Variants in BMS1 observed in about 807,000 individuals in gnomAD.
BMS1 encodes the protein BMS1 ribosome biogenesis factor, also known as ribosome biogenesis protein BMS1 homolog.
BMS1 carries 53 observed loss-of-function variants against 138.7 expected under a neutral mutation model. The observed-to-expected ratio is 0.38, with a 90% CI of 0.31 to 0.48. The LOEUF (loss-of-function observed/expected upper bound fraction) is 0.48. Among genes scored for constraint, BMS1 ranks in the 20% least tolerant of loss-of-function variants. The probability of loss-of-function intolerance (pLI) is 0.97; values close to 1 mark genes in which losing one functional copy is unlikely to be tolerated. For synonymous variants in BMS1, 504 were observed against 539.9 expected (o/e 0.93, Z 0.92); for missense variants, 1,360 against 1,565.5 (o/e 0.87, Z 2.22).
intron 21 of BMS1, among the ~76,000 whole-genome samples, chr10:42,825,455 A>G (rs1182714708): frequency 6.6e-6 from 1 of 152,236 alleles, no homozygotes; most frequent in Non-Finnish European, 1.5e-5. Flanking sequence ...CCATTTGTTC[A>G]TGTCTAAATT....
intron 13 of BMS1, among the ~76,000 whole-genome samples, chr10:42,810,895 ATGT>A (rs1358929012): frequency 2.0e-4 from 30 of 151,918 alleles, no homozygotes; most frequent in Admixed American, 9.8e-4. Context: ...TTTATTCGTG[ATGT>A]TGTTGGTTTG....
Position 42,831,179 on chromosome 10 carries a change from A to C in BMS1, c.*83A>C, listed in dbSNP as rs7133. Reference sequence around the variant, plus strand: ...ACAGTTTGAATGCCTGTGAATGACAAGTCAGTGGGAAAGAGCTCAAGAGAT... The same window carrying C: ...ACAGTTTGAATGCCTGTGAATGACACGTCAGTGGGAAAGAGCTCAAGAGAT... On this transcript the variant is annotated 3_prime_UTR_variant, in exon 23 of 23. Coordinates refer to ENST00000374518, the MANE Select transcript of BMS1 (RefSeq NM_014753.4). 443,534 of 1,356,480 alleles carry C rather than the reference A, an allele frequency of 0.33. 77,597 individuals carry two copies. The highest frequency in any genetic ancestry group is 0.59 in the East Asian group (23,370 of 39,740). The allele number at this position is 1,356,480 out of a possible 1,614,324, so 84.0% of individuals were successfully genotyped here. A position where few individuals can be genotyped will look rare whatever the true frequency, so the allele number is the denominator to read the frequency against.
At chr10:42,827,757 G>T (rs1045956735) in intron 21 of BMS1, among the ~76,000 whole-genome samples, 11 of 152,004 alleles carry the variant, frequency 7.2e-5, no homozygotes, top group African/African-American at 2.7e-4. Flanking sequence ...GCACTCTGGG[G>T]CTCTCCTTTA....
intron 13 of BMS1, among the ~76,000 whole-genome samples, chr10:42,803,702 C>T (rs544391131): frequency 1.3e-5 from 2 of 152,204 alleles, no homozygotes; most frequent in South Asian, 2.1e-4. Flanking sequence ...ACTTAAGAAT[C>T]GGCTTTTCTG....
chr10:42,797,514 T>G lies in BMS1; in HGVS notation c.2080T>G (p.Tyr694Asp), dbSNP rs1463153557. Residue 694 changes from tyrosine to aspartate, a missense_variant, in exon 11 of 23, where the codon TAT becomes GAT. Tyr to Asp is a radical substitution (Grantham distance 160). Coordinates refer to ENST00000374518, the MANE Select transcript of BMS1 (RefSeq NM_014753.4). ...AGCTCCAAACCTCCGAAAGCTTATT[T>G]ATGGGACAGGTAAAGAATTCTGGTT... is the stretch of plus-strand genomic sequence containing the variant. ...QAAPNLRKLI[Y>D]GTVTEDNEEE... 1 of 1,614,014 alleles carries G rather than the reference T, an allele frequency of 6.2e-7. No individual in the cohort carries two copies. Among genetic ancestry groups the G allele is most frequent in the Non-Finnish European group, 8.5e-7 (1 of 1,179,976 alleles).
At chr10:42,794,111 T>G in intron 9 of BMS1, 120 bp downstream of exon 9, 7 of 1,172,688 alleles carry the variant, frequency 6.0e-6, no homozygotes, top group Non-Finnish European at 7.2e-6. Context: ...TTGTTTTTCT[T>G]TGTGTGTGCA....
intron 13 of BMS1, among the ~76,000 whole-genome samples, chr10:42,804,674 T>C (rs1247499338): frequency 6.6e-6 from 1 of 152,104 alleles, no homozygotes. Context: ...TTTTTAATAG[T>C]GTTTTTCACA....
intron 21 of BMS1, among the ~76,000 whole-genome samples, chr10:42,826,393 GAGTGACTCTGGACATGGGAGTGACATAAT>G (rs1842647225): frequency 1.3e-5 from 2 of 152,194 alleles, no homozygotes; most frequent in South Asian, 2.1e-4. Context: ...CAGGGGATGG[GAGTGACTCTGGACATGGGAGTGACATAAT>G]AGTGACTCTG....
chr10:42,791,193 T>C (rs987598172), intron 5 of BMS1, among the ~76,000 whole-genome samples: 2 of 152,210 alleles, frequency 1.3e-5, no homozygotes, highest in African/African-American at 4.8e-5. Flanking sequence ...AAAAGAGTGC[T>C]TGTTTGGGGC....
At chr10:42,791,013 C>G (rs1841489079) in intron 5 of BMS1, among the ~76,000 whole-genome samples, 2 of 151,732 alleles carry the variant, frequency 1.3e-5, no homozygotes, top group Non-Finnish European at 1.5e-5. Flanking sequence ...TGTTCAGCCT[C>G]TGGCCTGCTG....
intron 9 of BMS1, among the ~76,000 whole-genome samples, chr10:42,795,468 C>T (rs1213825652): frequency 2.0e-5 from 3 of 151,630 alleles, no homozygotes; most frequent in Middle Eastern, 3.4e-3. Flanking sequence ...TACAGGAGTG[C>T]GCCACCACTC....
rs1406803928 is a variant in BMS1, at chr10:42,784,501, A to G, written c.107A>G (p.Asp36Gly). ...GATCTCCAGCTAGGAGACGAAGAAGATGCCCGGAAGAGAAATCCCAAAGCT... is the reference window on the plus strand; with the variant it reads ...GATCTCCAGCTAGGAGACGAAGAAGGTGCCCGGAAGAGAAATCCCAAAGCT... ...LQDLQLGDEE[D>G]ARKRNPKAFA... The change falls in exon 2 of 23, where the codon GAT (aspartate) becomes GGT (glycine). Residue 36 changes from aspartate (D) to glycine (G), a missense_variant. By Grantham distance (94) the Asp-to-Gly change is moderately conservative. Coordinates refer to ENST00000374518, the MANE Select transcript of BMS1 (RefSeq NM_014753.4). 3.1e-6 allele frequency: 5 copies of G among 1,614,026 alleles called. No individual in the cohort carries two copies. Among genetic ancestry groups the G allele is most frequent in the Non-Finnish European group, 4.2e-6 (5 of 1,179,874 alleles).
chr10:42,796,091 T>A (rs1438654317), intron 9 of BMS1, among the ~76,000 whole-genome samples: 2 of 152,256 alleles, frequency 1.3e-5, no homozygotes, highest in Non-Finnish European at 2.9e-5. Context: ...TTTTGCCTTC[T>A]TTCTGCTTTG....
At chr10:42,788,990 G>A (rs2132298684) in intron 4 of BMS1, among the ~76,000 whole-genome samples, 1 of 152,234 alleles carries the variant, frequency 6.6e-6, no homozygotes, top group East Asian at 1.9e-4. Context: ...TCCATTCTAT[G>A]GAGGCACCAT....
intron 11 of BMS1, among the ~76,000 whole-genome samples, chr10:42,797,738 T>C (rs542009644): frequency 2.7e-4 from 41 of 152,326 alleles, no homozygotes; most frequent in African/African-American, 8.9e-4. Flanking sequence ...TTGATGCAAA[T>C]ACCGTCCATT....
rs779958735 is a variant in BMS1 at position 42,797,520 on chromosome 10, A to G, written c.2086A>G (p.Thr696Ala). ...APNLRKLIYG[T>A]VTEDNEEEDD... Reference sequence around the variant, plus strand: ...AAACCTCCGAAAGCTTATTTATGGGACAGGTAAAGAATTCTGGTTCAGAAC... The same window carrying G: ...AAACCTCCGAAAGCTTATTTATGGGGCAGGTAAAGAATTCTGGTTCAGAAC... Residue 696 changes from threonine to alanine, a missense_variant, in exon 11 of 23, where the codon ACA (threonine) becomes GCA (alanine). Physicochemically the swap from Thr to Ala is moderately conservative, Grantham distance 58 (BLOSUM62 0). Around this residue, in one of 3 missense-constraint regions of BMS1, gnomAD observed 697 missense variants for 686.2 expected, o/e 1.02. Coordinates refer to ENST00000374518, the MANE Select transcript of BMS1 (RefSeq NM_014753.4). 1 of 1,613,898 alleles carries G rather than the reference A, an allele frequency of 6.2e-7. No individual in the cohort carries two copies. Among genetic ancestry groups the G allele is most frequent in the South Asian group, 1.1e-5 (1 of 91,076 alleles).
rs1841724240 is a variant in BMS1, at chr10:42,797,419, C to T, written c.1988-3C>T. On this transcript the variant is annotated splice_polypyrimidine_tract_variant and splice_region_variant and intron_variant, in intron 10 of 22. Transcript: ENST00000374518. ...AACTGGAGGTTGGCATTGGTCGTTT[C>T]AGGTGCCCTCAAGTGGAAGGAAGAC... is the stretch of plus-strand genomic sequence containing the variant. 1 of 1,614,038 alleles carries T rather than the reference C, an allele frequency of 6.2e-7. No individual in the cohort carries two copies. Among genetic ancestry groups the T allele is most frequent in the Non-Finnish European group, 8.5e-7 (1 of 1,180,004 alleles).
intron 9 of BMS1, among the ~76,000 whole-genome samples, chr10:42,794,573 T>C (rs1275635510): frequency 4.7e-5 from 7 of 150,358 alleles, no homozygotes; most frequent in African/African-American, 1.2e-4. Flanking sequence ...TTTGGTACAA[T>C]GTGCATAAAC....
At chr10:42,822,585 G>T (rs754734095) in intron 19 of BMS1, among the ~76,000 whole-genome samples, 20 of 152,312 alleles carry the variant, frequency 1.3e-4, no homozygotes, top group Admixed American at 5.9e-4. Flanking sequence ...ACTTGGCAAG[G>T]TTACAGAGAA....
Sources: allele counts gnomAD v4.1 joint callset (sites outside exome capture counted in the v4.1 genomes callset), GRCh38; gene constraint gnomAD v4.1.1; regional missense constraint gnomAD v4.1.1; transcripts MANE v1.5; gene names NCBI Gene and HGNC (gene_info 2026-07-23, HGNC 2026-07-21).